The following MRPL3 variants were observed in gnomAD, a reference collection of about 807,000 sequenced individuals.
MRPL3 encodes the protein mitochondrial ribosomal protein L3, also known as large ribosomal subunit protein uL3m.
A neutral mutation model predicts 44.3 loss-of-function variants in MRPL3; 43 were observed. The observed-to-expected ratio is 0.97, with a 90% CI of 0.76 to 1.25. MRPL3 has a LOEUF of 1.25. Ranked by LOEUF, MRPL3 falls within the 50% of genes most tolerant of loss-of-function variation. The pLI, the probability that MRPL3 is intolerant of heterozygous loss-of-function variation, is 0.00. For synonymous variants in MRPL3, 171 were observed against 152.3 expected, an observed-to-expected ratio of 1.12 and a Z score of -0.91; for missense variants, 406 against 427.6, an observed-to-expected ratio of 0.95 and a Z score of 0.45.
chr3:131,495,130 A>G (rs1162885919), intron 4 of MRPL3, among the ~76,000 whole-genome samples: 1 of 152,184 alleles, frequency 6.6e-6, no homozygotes, highest in Non-Finnish European at 1.5e-5. Flanking sequence ...AAACAGTTCT[A>G]ACACTATTAT....
chr3:131,477,536 G>A (rs528417844), intron 6 of MRPL3, among the ~76,000 whole-genome samples: 1 of 152,270 alleles, frequency 6.6e-6, no homozygotes, highest in South Asian at 2.1e-4. Flanking sequence ...GGAATATTCA[G>A]GAGCAGAGAG....
intron 1 of MRPL3, 185 bp from the exon 2 acceptor site, chr3:131,501,900 C>CTTTAGAAGA (rs1297222303): frequency 6.5e-6 from 10 of 1,537,194 alleles, no homozygotes; most frequent in Non-Finnish European, 8.7e-6. Flanking sequence ...GGATAAGGCT[C>CTTTAGAAGA]ACATTTAAAC....
intron 6 of MRPL3, among the ~76,000 whole-genome samples, chr3:131,479,876 T>C (rs1933941956): frequency 6.6e-6 from 1 of 152,126 alleles, no homozygotes; most frequent in Non-Finnish European, 1.5e-5. Flanking sequence ...ATCTTTTAAC[T>C]GTGATAAAGT....
chr3:131,483,539 C>A (rs899768867), intron 6 of MRPL3, among the ~76,000 whole-genome samples: 2 of 152,128 alleles, frequency 1.3e-5, no homozygotes, highest in African/African-American at 4.8e-5. Context: ...TCACCTCACA[C>A]CCTAACGTGA....
At chr3:131,487,548 G>T in intron 6 of MRPL3, 132 bp downstream of exon 6, 1 of 742,158 alleles carries the variant, frequency 1.3e-6, no homozygotes, top group Non-Finnish European at 2.2e-6. Flanking sequence ...TAACATGAAA[G>T]ATTTGAATTC....
In MRPL3 at chr3:131,502,727, TA is replaced by T; in HGVS notation, c.92+2del. On this transcript the variant is annotated splice_donor_variant, in intron 1 of 9. Transcript: ENST00000264995. LOFTEE classifies it high-confidence loss of function. ...CAGGTAGGACACCCTCACACCTTCCTACCTGTTCCCCGGGCCCAGGGCAGCA... is the reference window on the plus strand; with the variant it reads ...CAGGTAGGACACCCTCACACCTTCCTCCTGTTCCCCGGGCCCAGGGCAGCA... 3 of 1,607,976 alleles carry T rather than the reference TA, an allele frequency of 1.9e-6. No individual in the cohort carries two copies. Among genetic ancestry groups the T allele is most frequent in the Non-Finnish European group, 2.6e-6 (3 of 1,176,342 alleles).
rs548579188 is a variant in MRPL3 at position 131,498,750 on chromosome 3, T to C, written c.370-473A>G. Among the ~76,000 whole-genome samples, 32 of 137,362 alleles carry C rather than the reference T, an allele frequency of 2.3e-4. No homozygotes were observed. In the East Asian group the frequency reaches 6.5e-3, roughly 28 times the overall value. 90.1% of individuals were successfully genotyped at this position (137,362 alleles called of 152,430 possible). A position where few individuals can be genotyped will look rare whatever the true frequency, so the allele number is the denominator to read the frequency against. Reference sequence around the variant, plus strand: ...TTAAATACATACAGAAAAGAACATATACAACAAAATGAGTATAAACAAAAT... The same window carrying C: ...TTAAATACATACAGAAAAGAACATACACAACAAAATGAGTATAAACAAAAT... On this transcript the variant is annotated intron_variant, in intron 3 of 9. Transcript: ENST00000264995.
At chr3:131,463,016 A>C (rs1223299575) in intron 9 of MRPL3, 141 bp from the exon 10 acceptor site, 1 of 659,660 alleles carries the variant, frequency 1.5e-6, no homozygotes, top group African/African-American at 1.9e-5. Context: ...TAGAGTAAAA[A>C]GAACTCAGTC....
intron 4 of MRPL3, among the ~76,000 whole-genome samples, chr3:131,494,323 C>T (rs939327606): frequency 6.6e-6 from 1 of 152,172 alleles, no homozygotes; most frequent in Non-Finnish European, 1.5e-5. Flanking sequence ...TATCAAGTCC[C>T]CTGCTTTTCA....
rs139418883 is a variant in MRPL3 at position 131,485,237 on chromosome 3, A to G, written c.629+2443T>C. Among the ~76,000 whole-genome samples the G allele has an allele frequency of 5.9e-5, 9 of 152,296 alleles. No individual in the cohort carries two copies. In the East Asian group the frequency reaches 1.7e-3, roughly 29 times the overall value. On this transcript the variant is annotated intron_variant, in intron 6 of 9. Transcript: ENST00000264995. The stretch of plus-strand genomic sequence containing the variant: ...CACTTTAAAGAAGCCAAGGAAACCA[A>G]ACAGAAGCATATGAGATGAAAGCAT...
At position 131,472,503 on chromosome 3, in the gene MRPL3, C is replaced by T. The variant is rs540408238; in HGVS notation, c.630-1224G>A. On this transcript the variant is annotated intron_variant, in intron 6 of 9. Transcript: ENST00000264995. The stretch of plus-strand genomic sequence containing the variant: ...ATATGACAAACATACTGATGTTATG[C>T]TTTCAGCTATTCCCCTAAGATCAGG... 2.0e-5 allele frequency among the ~76,000 whole-genome samples: 3 copies of T among 152,244 alleles called. No individual in the cohort carries two copies. The South Asian group carries it at 6.2e-4, about 32-fold the overall frequency.
chr3:131,490,059 A>C lies in MRPL3; in HGVS notation c.490T>G (p.Phe164Val). 6.2e-7 allele frequency: 1 copy of C among 1,609,498 alleles called. No individual in the cohort carries two copies. The highest frequency in any genetic ancestry group is 8.5e-7 in the Non-Finnish European group (1 of 1,176,108). Residue 164 changes from phenylalanine (F) to valine (V), a missense_variant, in exon 5 of 10, where the codon TTT becomes GTT. Phe to Val is a conservative substitution (Grantham distance 50, BLOSUM62 -1). Transcript: ENST00000264995. ...RFRKATSILEFYRELGLPPKQ... is the reference protein window; with the variant it reads ...RFRKATSILEVYRELGLPPKQ... ...GGCGGCAATCCAAGTTCCCGGTAAAATTCCAATATGGATGTAGCTTTCTAG... is the reference window on the plus strand; with the variant it reads ...GGCGGCAATCCAAGTTCCCGGTAAACTTCCAATATGGATGTAGCTTTCTAG...
chr3:131,483,342 G>A (rs948969659), intron 6 of MRPL3, among the ~76,000 whole-genome samples: 1 of 151,806 alleles, frequency 6.6e-6, no homozygotes, highest in Non-Finnish European at 1.5e-5. Context: ...TCAAAGACTG[G>A]GCTTCATTAT....
intron 6 of MRPL3, among the ~76,000 whole-genome samples, chr3:131,480,743 T>G (rs1046842441): frequency 1.3e-5 from 2 of 152,224 alleles, no homozygotes; most frequent in Non-Finnish European, 2.9e-5. Flanking sequence ...TCTGAAGGTC[T>G]TCAGCCACAT....
chr3:131,501,919 G>A (rs148695966), intron 1 of MRPL3: 7 of 1,535,378 alleles, frequency 4.6e-6, no homozygotes, highest in Non-Finnish European at 6.1e-6. Flanking sequence ...ACTGTTAGTC[G>A]TTACCCTGGA....
rs1553718275 is a variant in MRPL3 at position 131,486,444 on chromosome 3, ATT to A, written c.629+1234_629+1235del. On this transcript the variant is annotated intron_variant, in intron 6 of 9. Coordinates refer to ENST00000264995, the MANE Select transcript of MRPL3 (RefSeq NM_007208.4). Reference sequence around the variant, plus strand: ...AGGCAACCTACAGAATGGGAGAAAAATTTTTTTTTTTTTTTATTATACTCTAA... The same window carrying A: ...AGGCAACCTACAGAATGGGAGAAAAATTTTTTTTTTTTTATTATACTCTAA... Among the ~76,000 whole-genome samples, 606 of 139,438 alleles carry A rather than the reference ATT, an allele frequency of 4.3e-3. 5 individuals are homozygous for A. The highest frequency in any genetic ancestry group is 0.014 in the African/African-American group (528 of 37,830). The allele number at this position is 139,438 out of a possible 152,430, so 91.5% of individuals were successfully genotyped here.
chr3:131,479,598 T>C (rs1257803907), intron 6 of MRPL3, among the ~76,000 whole-genome samples: 1 of 152,190 alleles, frequency 6.6e-6, no homozygotes, highest in East Asian at 1.9e-4. Context: ...GTAATCCCAG[T>C]ACTTTGGGAG....
rs571429179 is a variant in MRPL3, at chr3:131,488,291, T to C, written c.569-551A>G. ...GTTCTCCAGTTCATGCCTAGATAAT[T>C]AGAATAGCAAAAAATTGCCTTTATA... On this transcript the variant is annotated intron_variant, in intron 5 of 9. Transcript: ENST00000264995. 1.4e-4 allele frequency among the ~76,000 whole-genome samples: 22 copies of C among 152,254 alleles called. No homozygotes were observed. The South Asian group carries it at 4.6e-3, about 32-fold the overall frequency.
At chr3:131,464,445 T>G (rs1933556896) in intron 9 of MRPL3, among the ~76,000 whole-genome samples, 1 of 152,172 alleles carries the variant, frequency 6.6e-6, no homozygotes, top group African/African-American at 2.4e-5. Flanking sequence ...TGTATTTTTG[T>G]GTATTTAATC....
Sources: gnomAD v4.1 joint callset for allele counts (sites outside exome capture counted in the v4.1 genomes callset) on GRCh38, gnomAD v4.1.1 for gene constraint, MANE v1.5 for transcripts, NCBI Gene and HGNC (gene_info 2026-07-23, HGNC 2026-07-21) for gene names.